Variants in ZBTB26 observed in about 807,000 individuals in gnomAD.
ZBTB26 encodes the protein zinc finger and BTB domain containing 26.
ZBTB26 carries 12 observed loss-of-function variants against 31.6 expected under a neutral mutation model. The ratio of observed to expected loss-of-function variants is 0.38; its 90% CI spans 0.24 to 0.61. The LOEUF is 0.61. ZBTB26 is among the 20% of genes least tolerant of loss of function. ZBTB26 has a pLI of 0.60. For missense variants in ZBTB26, 311 were observed against 521.9 expected (o/e 0.60, Z 3.94); for synonymous variants, 155 against 182.9 (o/e 0.85, Z 1.23).
Position 122,916,232 on chromosome 9 carries a change from G to C in ZBTB26, c.*2377C>G, listed in dbSNP as rs538363096. The C allele has an allele frequency of 2.0e-5, 3 of 152,174 alleles. No individual in the cohort carries two copies. The highest frequency in any genetic ancestry group is 1.3e-4 in the Admixed American group (2 of 15,274). 9.4% of individuals were successfully genotyped at this position (152,174 alleles called of 1,614,324 possible). A position where few individuals can be genotyped will look rare whatever the true frequency, so the allele number is the denominator to read the frequency against. On this transcript the variant is annotated 3_prime_UTR_variant, in exon 2 of 2. Transcript: ENST00000373656. Reference sequence around the variant, plus strand: ...ACAAAGTTGCTGATTTTAACTGATCGAATACAGCAAGGCAGCTTTCTTTAT... The same window carrying C: ...ACAAAGTTGCTGATTTTAACTGATCCAATACAGCAAGGCAGCTTTCTTTAT...
chr9:122,925,159 G>A (rs1408169670), intron 1 of ZBTB26, among the ~76,000 whole-genome samples: 1 of 152,040 alleles, frequency 6.6e-6, no homozygotes, highest in East Asian at 1.9e-4. Flanking sequence ...CACTGCTTGA[G>A]CTCAGGACTT....
chr9:122,917,869 C>G lies in ZBTB26; in HGVS notation c.*740G>C, dbSNP rs1212975850. The G allele has an allele frequency of 2.0e-5, 3 of 152,198 alleles. No homozygotes were observed. The allele number at this position is 152,198 out of a possible 1,614,324, so 9.4% of individuals were successfully genotyped here. ...ATATGGCCTCTTATGGGACATGCTA[C>G]CAGAGAAACCGCCCATGTAAGTGCT... On this transcript the variant is annotated 3_prime_UTR_variant, in exon 2 of 2. Coordinates refer to ENST00000373656, the MANE Select transcript of ZBTB26 (RefSeq NM_020924.4).
chr9:122,927,961 A>T (rs541706173), intron 1 of ZBTB26, among the ~76,000 whole-genome samples: 7 of 151,844 alleles, frequency 4.6e-5, no homozygotes, highest in African/African-American at 1.7e-4. Flanking sequence ...CAGCCTCCTG[A>T]GTAGCTAGGA....
chr9:122,920,152 A>G (rs767759001), intron 1 of ZBTB26, among the ~76,000 whole-genome samples: 3 of 152,226 alleles, frequency 2.0e-5, no homozygotes, highest in Non-Finnish European at 4.4e-5. Flanking sequence ...AATTGCACCT[A>G]AAGAGCAGAC....
intron 1 of ZBTB26, among the ~76,000 whole-genome samples, chr9:122,922,496 T>G (rs148179370): frequency 1.3e-5 from 2 of 152,244 alleles, no homozygotes; most frequent in African/African-American, 4.8e-5. Flanking sequence ...AGACAAAATA[T>G]TCTTTACTTT....
In ZBTB26 at chr9:122,919,038, C is replaced by T. The variant is rs1376025898; in HGVS notation, c.897G>A (p.Met299Ile). The change falls in exon 2 of 2, where the codon ATG becomes ATA. Residue 299 changes from methionine (M) to isoleucine (I), a missense_variant. Coordinates refer to ENST00000373656, the MANE Select transcript of ZBTB26 (RefSeq NM_020924.4). This position sits in a 1 kb window ranked among gnomAD's most constrained non-coding sequence, Gnocchi z 6.1. ...TGAAAGTCTTGCCGCAGAGTAGACA[C>T]ATAAAGAGTTTGTGCATTTTTAAAT... The part of the protein sequence containing the change: ...ANHLKMHKLF[M>I]CLLCGKTFTQ... 1 of 1,614,200 alleles carries T rather than the reference C, an allele frequency of 6.2e-7. No homozygotes were observed. The highest frequency in any genetic ancestry group is 1.7e-5 in the Admixed American group (1 of 60,022).
chr9:122,922,366 T>C (rs1162432906), intron 1 of ZBTB26, among the ~76,000 whole-genome samples: 1 of 152,232 alleles, frequency 6.6e-6, no homozygotes, highest in Non-Finnish European at 1.5e-5. Context: ...GCCCATTGCA[T>C]ACTTCTACTG....
chr9:122,923,573 T>C (rs1010928344), intron 1 of ZBTB26, among the ~76,000 whole-genome samples: 4 of 152,178 alleles, frequency 2.6e-5, no homozygotes, highest in African/African-American at 9.7e-5. Flanking sequence ...GTAACCAGAG[T>C]TGTAAAAATG....
In ZBTB26 at chr9:122,916,420, T is replaced by G; in HGVS notation, c.*2189A>C. 1 of 152,230 alleles carries G rather than the reference T, an allele frequency of 6.6e-6. No homozygotes were observed. Among genetic ancestry groups the G allele is most frequent in the East Asian group, 1.9e-4 (1 of 5,204 alleles). 9.4% of individuals were successfully genotyped at this position (152,230 alleles called of 1,614,324 possible). ...GCTTAACTAATGTTTCTTGAACAAC[T>G]GAATGAACCCAGAAATAGTCTCCAA... is the stretch of plus-strand genomic sequence containing the variant. On this transcript the variant is annotated 3_prime_UTR_variant, in exon 2 of 2. Transcript: ENST00000373656.
chr9:122,930,612 C>T (rs1016865058), intron 1 of ZBTB26, among the ~76,000 whole-genome samples: 1 of 152,198 alleles, frequency 6.6e-6, no homozygotes, highest in Admixed American at 6.5e-5. Context: ...CAAAAAACTA[C>T]CCATCTCCTT....
At chr9:122,930,930 C>T (rs1333127016) in intron 1 of ZBTB26, 1 of 152,250 alleles carries the variant, frequency 6.6e-6, no homozygotes, top group South Asian at 2.1e-4. Flanking sequence ...ATCTGGCTCC[C>T]AAACTTAATC....
chr9:122,919,201 G>A lies in ZBTB26; in HGVS notation c.734C>T (p.Thr245Ile). Residue 245 changes from threonine to isoleucine, a missense_variant, in exon 2 of 2, where the codon ACA (threonine) becomes ATA (isoleucine). Thr to Ile is a moderately conservative substitution (Grantham distance 89). This residue lies in a region of ZBTB26 where 207 missense variants were observed against 298.6 expected (regional missense o/e 0.69). Transcript: ENST00000373656. This position sits in a 1 kb window ranked among gnomAD's most constrained non-coding sequence, Gnocchi z 6.1. Reference sequence around the variant, plus strand: ...GGCCATGATGATGTTATCACTGCCTGTATAAGAAAGGGCATAATTGTGGAG... The same window carrying A: ...GGCCATGATGATGTTATCACTGCCTATATAAGAAAGGGCATAATTGTGGAG... ...NHLHNYALSY[T>I]GSDNIIMASK... 1 of 1,614,218 alleles carries A rather than the reference G, an allele frequency of 6.2e-7. No homozygotes were observed. Among genetic ancestry groups the A allele is most frequent in the African/African-American group, 1.3e-5 (1 of 75,064 alleles).
chr9:122,926,272 T>C (rs1281287329), intron 1 of ZBTB26, among the ~76,000 whole-genome samples: 1 of 150,630 alleles, frequency 6.6e-6, no homozygotes, highest in Admixed American at 6.6e-5. Context: ...CCCAGCACTT[T>C]GGGAGGCCGA....
chr9:122,925,909 C>T (rs1399012826), intron 1 of ZBTB26, among the ~76,000 whole-genome samples: 15 of 151,900 alleles, frequency 9.9e-5, no homozygotes, highest in East Asian at 9.7e-4. Flanking sequence ...TACAGGCAGG[C>T]GCCACCACGC....
chr9:122,923,865 T>C (rs944615395), intron 1 of ZBTB26, among the ~76,000 whole-genome samples: 1 of 152,210 alleles, frequency 6.6e-6, no homozygotes, highest in Non-Finnish European at 1.5e-5. Context: ...ACAATGATGG[T>C]CCCATAGAAT....
chr9:122,917,698 T>C lies in ZBTB26; in HGVS notation c.*911A>G, dbSNP rs1478022027. The C allele has an allele frequency of 6.6e-6, 1 of 152,212 alleles. No individual in the cohort carries two copies. Among genetic ancestry groups the C allele is most frequent in the Non-Finnish European group, 1.5e-5 (1 of 68,042 alleles). The allele number at this position is 152,212 out of a possible 1,614,324, so 9.4% of individuals were successfully genotyped here. A position where few individuals can be genotyped will look rare whatever the true frequency, so the allele number is the denominator to read the frequency against. ...CAAAACTCTGATGGCCAAACTCACC[T>C]TTCTGATGGCTAAACTCTGAAACAA... On this transcript the variant is annotated 3_prime_UTR_variant, in exon 2 of 2. Transcript: ENST00000373656.
chr9:122,919,641 C>T lies in ZBTB26; in HGVS notation c.294G>A (p.Met98Ile). Reference protein sequence around the residue: ...CYSGVLEFPEMELVNYLTAAS... With the variant: ...CYSGVLEFPEIELVNYLTAAS... ...CAGCAGTCAAGTAATTTACCAGTTC[C>T]ATCTCAGGGAATTCCAGCACACCAC... The change falls in exon 2 of 2, where the codon ATG becomes ATA. Residue 98 changes from methionine to isoleucine, a missense_variant. By Grantham distance (10) the Met-to-Ile change is conservative. Coordinates refer to ENST00000373656, the MANE Select transcript of ZBTB26 (RefSeq NM_020924.4). This position sits in a 1 kb window ranked among gnomAD's most constrained non-coding sequence, Gnocchi z 6.1. 1 of 1,614,190 alleles carries T rather than the reference C, an allele frequency of 6.2e-7. No individual in the cohort carries two copies. The highest frequency in any genetic ancestry group is 8.5e-7 in the Non-Finnish European group (1 of 1,180,038).
intron 1 of ZBTB26, among the ~76,000 whole-genome samples, chr9:122,925,234 G>A (rs1203599066): frequency 2.0e-5 from 3 of 152,028 alleles, no homozygotes; most frequent in African/African-American, 4.8e-5. Context: ...TTAGCTGGGC[G>A]TGGTGTCATG....
chr9:122,917,262 C>T lies in ZBTB26; in HGVS notation c.*1347G>A, dbSNP rs1833027231. 1 of 152,140 alleles carries T rather than the reference C, an allele frequency of 6.6e-6. No individual in the cohort carries two copies. Among genetic ancestry groups the T allele is most frequent in the South Asian group, 2.1e-4 (1 of 4,830 alleles). 9.4% of individuals were successfully genotyped at this position (152,140 alleles called of 1,614,324 possible). A position where few individuals can be genotyped will look rare whatever the true frequency, so the allele number is the denominator to read the frequency against. ...GCGAGAAGAAGGAAGAAGATGCTAG[C>T]TCATATTTAGTTATACCTTGGTCAA... is the stretch of plus-strand genomic sequence containing the variant. On this transcript the variant is annotated 3_prime_UTR_variant, in exon 2 of 2. Coordinates refer to ENST00000373656, the MANE Select transcript of ZBTB26 (RefSeq NM_020924.4).
Sources: allele counts gnomAD v4.1 joint callset (sites outside exome capture counted in the v4.1 genomes callset), GRCh38; gene constraint gnomAD v4.1.1; regional missense constraint gnomAD v4.1.1; non-coding constraint Gnocchi (gnomAD v3.1); transcripts MANE v1.5; gene names NCBI Gene and HGNC (gene_info 2026-07-23, HGNC 2026-07-21).